The following CLCNKB variants were observed in gnomAD, a reference collection of about 807,000 sequenced individuals.
CLCNKB encodes chloride channel protein ClC-Kb.
In CLCNKB, 74 loss-of-function variants were observed where a neutral mutation model predicts 83.8. That is an observed-to-expected ratio of 0.88 (90% CI 0.73 to 1.07). CLCNKB has a LOEUF of 1.07. Among genes scored for constraint, CLCNKB ranks in the 50% least tolerant of loss-of-function variants. The pLI, the probability that CLCNKB is intolerant of heterozygous loss-of-function variation, is 0.00. For synonymous variants in CLCNKB, 358 were observed against 356.6 expected (o/e 1.00, Z -0.04); for missense variants, 798 against 893.6 (o/e 0.89, Z 1.36).
chr1:16,055,358 C>T (rs2023405511), intron 16 of CLCNKB, 77 bp from the exon 17 acceptor site: 2 of 1,165,300 alleles, frequency 1.7e-6, no homozygotes, highest in African/African-American at 1.5e-5. Context: ...CAGTTCTTGG[C>T]TAAGTAGGTG....
chr1:16,048,811 G>C, intron 7 of CLCNKB: 1 of 1,444,410 alleles, frequency 6.9e-7, no homozygotes, highest in Non-Finnish European at 9.1e-7. Context: ...ACTTGGGTTT[G>C]AAATCCACGT....
intron 7 of CLCNKB, 136 bp from the exon 8 acceptor site, chr1:16,048,984 C>T: frequency 1.3e-6 from 2 of 1,579,300 alleles, no homozygotes; most frequent in Non-Finnish European, 1.7e-6. Context: ...GCCCTGCCCT[C>T]CCCTCCTGTC....
chr1:16,044,356 TACACACAC>T (rs1553127093), intron 1 of CLCNKB, 122 bp from the exon 2 acceptor site: 10 of 375,306 alleles, frequency 2.7e-5, no homozygotes, highest in African/African-American at 6.4e-5. Context: ...TAACTTCACA[TACACACAC>T]ACACACACAC....
intron 14 of CLCNKB, 28 bp downstream of exon 14, chr1:16,051,848 G>A: frequency 1.3e-6 from 2 of 1,567,860 alleles, no homozygotes; most frequent in South Asian, 2.2e-5. Flanking sequence ...CTGCTGCGTG[G>A]GCAATGTCGT....
rs537428420 is a variant in CLCNKB at position 16,052,833 on chromosome 1, A to G, written c.1622+422A>G. ...AATGGAAATGGGCTTTGAGGTCTTC[A>G]CTCAACCAGATAGGACCAGAGCAGC... On this transcript the variant is annotated intron_variant, in intron 15 of 19. Coordinates refer to ENST00000375679, the MANE Select transcript of CLCNKB (RefSeq NM_000085.5). Among the ~76,000 whole-genome samples, 12 of 152,224 alleles carry G rather than the reference A, an allele frequency of 7.9e-5. No homozygotes were observed. In the South Asian group the frequency reaches 2.5e-3, roughly 32 times the overall value.
intron 2 of CLCNKB, among the ~76,000 whole-genome samples, chr1:16,045,017 G>C (rs1467869550): frequency 3.3e-5 from 5 of 152,176 alleles, no homozygotes; most frequent in African/African-American, 4.8e-5. Flanking sequence ...TCAGCTACGG[G>C]GCAGAGCAAG....
At chr1:16,055,386 C>T (rs769969565) in intron 16 of CLCNKB, 49 bp from the exon 17 acceptor site, 1 of 1,466,138 alleles carries the variant, frequency 6.8e-7, no homozygotes, top group South Asian at 1.1e-5. Context: ...AATGTGAGTC[C>T]CTGTTTCCTC....
In CLCNKB at chr1:16,049,892, T is replaced by G. The variant is rs368835093; in HGVS notation, c.944T>G (p.Phe315Cys). ...TTTGGCTTCATCAGGAACAATAGGT[T>G]CAGCTCCAAACTGCTGGCCACCAGG... ...IFFGFIRNNR[F>C]SSKLLATSKP... is the part of the protein sequence containing the mutation. The change falls in exon 10 of 20, where the codon TTC becomes TGC. Residue 315 changes from phenylalanine to cysteine, a missense_variant. Physicochemically the swap from Phe to Cys is radical, Grantham distance 205. Coordinates refer to ENST00000375679, the MANE Select transcript of CLCNKB (RefSeq NM_000085.5). 17 of 1,613,750 alleles carry G rather than the reference T, an allele frequency of 1.1e-5. No homozygotes were observed. Among genetic ancestry groups the G allele is most frequent in the Non-Finnish European group, 1.4e-5 (16 of 1,179,906 alleles).
chr1:16,055,353 C>A, intron 16 of CLCNKB, 82 bp from the exon 17 acceptor site: 2 of 1,117,568 alleles, frequency 1.8e-6, no homozygotes, highest in Non-Finnish European at 1.4e-6. Context: ...CAGAACAGTT[C>A]TTGGCTAAGT....
intron 15 of CLCNKB, among the ~76,000 whole-genome samples, chr1:16,053,000 A>G (rs1036709252): frequency 8.6e-5 from 13 of 151,714 alleles, no homozygotes; most frequent in African/African-American, 2.9e-4. Context: ...AGTGGTTTCC[A>G]GACTTTCAAG....
Position 16,051,709 on chromosome 1 carries a change from G to A in CLCNKB, c.1298-1G>A. 6 of 1,613,748 alleles carry A rather than the reference G, an allele frequency of 3.7e-6. No individual in the cohort carries two copies. The highest frequency in any genetic ancestry group is 5.1e-6 in the Non-Finnish European group (6 of 1,179,702). On this transcript the variant is annotated splice_acceptor_variant, in intron 13 of 19. Coordinates refer to ENST00000375679, the MANE Select transcript of CLCNKB (RefSeq NM_000085.5). LOFTEE classifies it high-confidence loss of function. ...CCCCCTCACCCTAAGTCTGTGGCCA[G>A]GAGCTGCTATCGGGCGCCTCTTTGG...
rs1458015574 is a variant in CLCNKB at position 16,052,193 on chromosome 1, T to G, written c.1409-5T>G. 4 of 1,612,858 alleles carry G rather than the reference T, an allele frequency of 2.5e-6. No individual in the cohort carries two copies. The highest frequency in any genetic ancestry group is 1.1e-5 in the South Asian group (1 of 91,068). On this transcript the variant is annotated splice_region_variant and splice_polypyrimidine_tract_variant and intron_variant, in intron 14 of 19. Coordinates refer to ENST00000375679, the MANE Select transcript of CLCNKB (RefSeq NM_000085.5). ...GAGCTGCCCTGCCTGACTCTGCCCT[T>G]GCAGGGGCTGCAGCCTTCTCAGGGG...
Position 16,051,682 on chromosome 1 carries a change from C to A in CLCNKB, c.1298-28C>A, listed in dbSNP as rs775640651. 7 of 1,608,974 alleles carry A rather than the reference C, an allele frequency of 4.4e-6. No individual in the cohort carries two copies. The Admixed American group carries it at 1.0e-4, about 23-fold the overall frequency. ...GGCTGTGGGGGCCGGGTCAGCCTGG[C>A]TCCCCCTCACCCTAAGTCTGTGGCC... On this transcript the variant is annotated intron_variant, in intron 13 of 19. Coordinates refer to ENST00000375679, the MANE Select transcript of CLCNKB (RefSeq NM_000085.5).
chr1:16,047,774 GA>G (rs1408666028), intron 4 of CLCNKB, 130 bp from the exon 5 acceptor site: 1 of 1,112,882 alleles, frequency 9.0e-7, no homozygotes, highest in Non-Finnish European at 1.3e-6. Context: ...GTCCCCAAAG[GA>G]AAATAATCCT....
At position 16,051,771 on chromosome 1, in the gene CLCNKB, GGC is replaced by G; in HGVS notation, c.1360_1361del (p.Ala454TrpfsTer67). On this transcript the variant is annotated frameshift_variant, in exon 14 of 20. Coordinates refer to ENST00000375679, the MANE Select transcript of CLCNKB (RefSeq NM_000085.5). LOFTEE classifies it high-confidence loss of function. The part of the protein sequence containing the change: ...LSFIFPEGIV[A>X]GGITNPIMPG... Reference sequence around the variant, plus strand: ...CTTTTATCTTCCCTGAGGGCATCGTGGCTGGAGGGATCACCAATCCCATCATG... The same window carrying G: ...CTTTTATCTTCCCTGAGGGCATCGTGTGGAGGGATCACCAATCCCATCATG... 1 of 1,613,956 alleles carries G rather than the reference GGC, an allele frequency of 6.2e-7. No individual in the cohort carries two copies. Among genetic ancestry groups the G allele is most frequent in the Non-Finnish European group, 8.5e-7 (1 of 1,179,986 alleles).
chr1:16,047,808 C>A, intron 4 of CLCNKB, 97 bp from the exon 5 acceptor site: 1 of 1,378,800 alleles, frequency 7.3e-7, no homozygotes, highest in Non-Finnish European at 1.0e-6. Context: ...TTCTGCTGAT[C>A]TGGCGAGATC....
rs754162518 is a variant in CLCNKB, at chr1:16,049,171, A to C, written c.707A>C (p.Tyr236Ser). Reference sequence around the variant, plus strand: ...TCTTCCCACTTCTCTGTCTGGGATTACTGGAGGGGCTTCTTTGCGGCCACC... The same window carrying C: ...TCTTCCCACTTCTCTGTCTGGGATTCCTGGAGGGGCTTCTTTGCGGCCACC... ...VMSSHFSVWDYWRGFFAATCG... is the reference protein window; with the variant it reads ...VMSSHFSVWDSWRGFFAATCG... Residue 236 changes from tyrosine (Y) to serine (S), a missense_variant, in exon 8 of 20, where the codon TAC becomes TCC. Coordinates refer to ENST00000375679, the MANE Select transcript of CLCNKB (RefSeq NM_000085.5). 3.1e-6 allele frequency: 5 copies of C among 1,613,418 alleles called. No individual in the cohort carries two copies. The South Asian group carries it at 5.5e-5, about 18-fold the overall frequency.
intron 15 of CLCNKB, 130 bp from the exon 16 acceptor site, chr1:16,053,509 C>G: frequency 1.5e-6 from 2 of 1,345,308 alleles, no homozygotes; most frequent in South Asian, 2.5e-5. Context: ...ATTCCAGGAA[C>G]CTCTCCGGCC....
Position 16,049,258 on chromosome 1 carries a change from G to A in CLCNKB, c.781+13G>A, listed in dbSNP as rs778075639. ...AACAGCGAGCAGGGTGAGCCCCCTG[G>A]GCTGCCTGACCCTGGCCCTGCCTGG... On this transcript the variant is annotated intron_variant, in intron 8 of 19. Coordinates refer to ENST00000375679, the MANE Select transcript of CLCNKB (RefSeq NM_000085.5). 1.2e-6 allele frequency: 2 copies of A among 1,613,268 alleles called. No individual in the cohort carries two copies. The highest frequency in any genetic ancestry group is 3.3e-5 in the Admixed American group (2 of 59,954).
Sources: allele counts gnomAD v4.1 joint callset (sites outside exome capture counted in the v4.1 genomes callset), GRCh38; gene constraint gnomAD v4.1.1; transcripts MANE v1.5; gene names NCBI Gene and HGNC (gene_info 2026-07-23, HGNC 2026-07-21).